ODF1: variants seen among roughly 807,000 people sequenced by gnomAD.
ODF1 encodes outer dense fiber protein 1.
Under a neutral mutation model 24.0 loss-of-function variants are expected in ODF1, and 10 were observed. That is an observed-to-expected ratio of 0.42 (90% CI 0.26 to 0.71). The LOEUF is 0.71. Ranked by LOEUF, ODF1 falls within the 30% of genes least tolerant of loss-of-function variation. ODF1 has a pLI of 0.28. For missense variants in ODF1, 282 were observed against 307.9 expected, an observed-to-expected ratio of 0.92 and a Z score of 0.63; for synonymous variants, 118 against 121.3, an observed-to-expected ratio of 0.97 and a Z score of 0.18.
In ODF1 at chr8:102,553,204, T is replaced by TAAAA. The variant is rs1315579134; in HGVS notation, c.320+1158_320+1159insAAAA. ...ATGGTGAAACCCCATCTCTACTAAA[T>TAAAA]ACAAAAAAAAAAAAAAAAAAAAATT... On this transcript the variant is annotated intron_variant, in intron 1 of 1. Coordinates refer to ENST00000285402, the MANE Select transcript of ODF1 (RefSeq NM_024410.4). 2.0e-4 allele frequency among the ~76,000 whole-genome samples: 13 copies of TAAAA among 65,652 alleles called. 2 individuals are homozygous for TAAAA. Among genetic ancestry groups the TAAAA allele is most frequent in the African/African-American group, 2.9e-4 (4 of 13,650 alleles). The allele number at this position is 65,652 out of a possible 152,430, so 43.1% of individuals were successfully genotyped here. A position where few individuals can be genotyped will look rare whatever the true frequency, so the allele number is the denominator to read the frequency against.
chr8:102,556,202 C>A (rs1826108831), intron 1 of ODF1, among the ~76,000 whole-genome samples: 1 of 152,160 alleles, frequency 6.6e-6, no homozygotes, highest in South Asian at 2.1e-4. Context: ...TTCTTGATCA[C>A]TAGGTGGTGG....
Position 102,560,443 on chromosome 8 carries a change from C to A in ODF1, c.321-9C>A. On this transcript the variant is annotated splice_polypyrimidine_tract_variant and intron_variant, in intron 1 of 1. Transcript: ENST00000285402. ...CTCCCTCCCACCCTATCCCTTTTCT[C>A]AATTCCAGACTGAGAAGAACAACAA... 8.7e-6 allele frequency: 14 copies of A among 1,610,900 alleles called. No individual in the cohort carries two copies. The highest frequency in any genetic ancestry group is 1.2e-5 in the Non-Finnish European group (14 of 1,177,292).
intron 1 of ODF1, among the ~76,000 whole-genome samples, chr8:102,552,606 G>A (rs1826055968): frequency 6.6e-6 from 1 of 152,082 alleles, no homozygotes; most frequent in South Asian, 2.1e-4. Context: ...TATCATGTTG[G>A]CCTCCCCTCT....
chr8:102,558,226 C>A (rs189315373), intron 1 of ODF1, among the ~76,000 whole-genome samples: 1 of 152,100 alleles, frequency 6.6e-6, no homozygotes, highest in Non-Finnish European at 1.5e-5. Flanking sequence ...CTGAAGTGGG[C>A]GGATCACAAG....
Position 102,560,849 on chromosome 8 carries a change from G to A in ODF1, c.718G>A (p.Gly240Arg). The A allele has an allele frequency of 6.2e-7, 1 of 1,612,742 alleles. No homozygotes were observed. ...TCCTTGCAACCCGTGTTATCCCTGT[G>A]GAAGCCGATTTTCCTGTAGGAAGAT... ...YDPCNPCYPC[G>R]SRFSCRKMIL The change falls in exon 2 of 2, where the codon GGA becomes AGA. Residue 240 changes from glycine (G) to arginine (R), a missense_variant. By Grantham distance (125) the Gly-to-Arg change is moderately radical (BLOSUM62 -2). Coordinates refer to ENST00000285402, the MANE Select transcript of ODF1 (RefSeq NM_024410.4).
Position 102,560,020 on chromosome 8 carries a change from G to A in ODF1, c.321-432G>A, listed in dbSNP as rs910208595. ...TAATTAAGCAGGATTTATAATGTAC[G>A]AAGCACAGTGCTAAGTAAAATATCA... On this transcript the variant is annotated intron_variant, in intron 1 of 1. Transcript: ENST00000285402. 1.3e-5 allele frequency among the ~76,000 whole-genome samples: 2 copies of A among 151,380 alleles called. 1 individual carries two copies. The highest frequency in any genetic ancestry group is 4.9e-5 in the African/African-American group (2 of 40,772).
intron 1 of ODF1, among the ~76,000 whole-genome samples, chr8:102,558,725 T>C (rs949008619): frequency 2.0e-5 from 3 of 147,248 alleles, no homozygotes; most frequent in African/African-American, 8.1e-5. Context: ...CAAAACTCTC[T>C]CTCTACATGT....
At chr8:102,560,076 A>T (rs1826158551) in intron 1 of ODF1, among the ~76,000 whole-genome samples, 1 of 151,494 alleles carries the variant, frequency 6.6e-6, no homozygotes, top group South Asian at 2.1e-4. Flanking sequence ...ATAGCCCTAT[A>T]TGATGCAGGC....
chr8:102,560,980 T>G lies in ODF1; in HGVS notation c.*96T>G. On this transcript the variant is annotated 3_prime_UTR_variant, in exon 2 of 2. Transcript: ENST00000285402. ...CTCTCCTTCCCATGGCCCCTGTTGT[T>G]GAAGTACGTAGGAAACTGAATACAT... 8.4e-7 allele frequency: 1 copy of G among 1,188,866 alleles called. No individual in the cohort carries two copies. Among genetic ancestry groups the G allele is most frequent in the Non-Finnish European group, 1.2e-6 (1 of 842,202 alleles). 73.6% of individuals were successfully genotyped at this position (1,188,866 alleles called of 1,614,324 possible). A position where few individuals can be genotyped will look rare whatever the true frequency, so the allele number is the denominator to read the frequency against.
At chr8:102,552,080 G>C in intron 1 of ODF1, 33 bp downstream of exon 1, 1 of 1,484,458 alleles carries the variant, frequency 6.7e-7, no homozygotes, top group Non-Finnish European at 9.1e-7. Context: ...TTTTATAGTC[G>C]GTATATTAGC....
intron 1 of ODF1, among the ~76,000 whole-genome samples, chr8:102,559,944 A>T (rs908164959): frequency 6.0e-5 from 9 of 150,862 alleles, no homozygotes; most frequent in Non-Finnish European, 1.2e-4. Flanking sequence ...ATATAATTTA[A>T]TTATAGTTAT....
At position 102,557,738 on chromosome 8, in the gene ODF1, A is replaced by G. The variant is rs193081664; in HGVS notation, c.321-2714A>G. Among the ~76,000 whole-genome samples the G allele has an allele frequency of 1.3e-5, 2 of 152,380 alleles. 1 individual carries two copies. Among genetic ancestry groups the G allele is most frequent in the Admixed American group, 1.3e-4 (2 of 15,306 alleles). ...GCCCTCCTTTAGGAGGCCTGGCTGCATCATCCTGGTGGGATTTGATGTTTC... is the reference window on the plus strand; with the variant it reads ...GCCCTCCTTTAGGAGGCCTGGCTGCGTCATCCTGGTGGGATTTGATGTTTC... On this transcript the variant is annotated intron_variant, in intron 1 of 1. Transcript: ENST00000285402.
At chr8:102,557,320 G>A (rs1194053035) in intron 1 of ODF1, among the ~76,000 whole-genome samples, 3 of 152,304 alleles carry the variant, frequency 2.0e-5, no homozygotes, top group Admixed American at 2.0e-4. Context: ...GTTCAGAGTT[G>A]AGTCTGATGA....
rs200288918 is a variant in ODF1, at chr8:102,560,925, T to C, written c.*41T>C. 2.5e-5 allele frequency: 38 copies of C among 1,540,654 alleles called. No homozygotes were observed. In the Middle Eastern group the frequency reaches 7.0e-4, roughly 28 times the overall value. On this transcript the variant is annotated 3_prime_UTR_variant, in exon 2 of 2. Coordinates refer to ENST00000285402, the MANE Select transcript of ODF1 (RefSeq NM_024410.4). ...CCATTACTTAATAGAAGTCAGTTACTCCAGCCAGGCAGCTCTCCCAATGTT... is the reference window on the plus strand; with the variant it reads ...CCATTACTTAATAGAAGTCAGTTACCCCAGCCAGGCAGCTCTCCCAATGTT...
chr8:102,553,413 C>T (rs1412134545), intron 1 of ODF1, among the ~76,000 whole-genome samples: 1 of 151,366 alleles, frequency 6.6e-6, no homozygotes, highest in South Asian at 2.1e-4. Flanking sequence ...TTGTCTAGGT[C>T]ACCAGCCACC....
intron 1 of ODF1, among the ~76,000 whole-genome samples, chr8:102,558,754 A>G (rs571580788): frequency 6.6e-6 from 1 of 151,888 alleles, no homozygotes; most frequent in African/African-American, 2.4e-5. Context: ...CTACACACAC[A>G]CACACACACA....
In ODF1 at chr8:102,552,021, A is replaced by G. The variant is rs1304060162; in HGVS notation, c.294A>G (p.Ile98Met). Residue 98 changes from isoleucine (I) to methionine (M), a missense_variant, in exon 1 of 2, where the codon ATA becomes ATG. Physicochemically the swap from Ile to Met is conservative, Grantham distance 10 (BLOSUM62 1). Transcript: ENST00000285402. ...TGGAGAGGAAAGCCATCAGAGCCAT[A>G]GAAGATGAGAAGCGAGAGCTTGCCA... ...RSLERKAIRAIEDEKRELAKL... is the reference protein window; with the variant it reads ...RSLERKAIRAMEDEKRELAKL... 7 of 1,592,566 alleles carry G rather than the reference A, an allele frequency of 4.4e-6. No individual in the cohort carries two copies. Among genetic ancestry groups the G allele is most frequent in the Non-Finnish European group, 6.0e-6 (7 of 1,165,402 alleles).
chr8:102,552,234 C>G (rs71518873), intron 1 of ODF1, among the ~76,000 whole-genome samples, 187 bp downstream of exon 1: 2,108 of 151,148 alleles, frequency 0.014, 27 homozygotes, highest in Non-Finnish European at 0.02. Context: ...GTAGGGTTCT[C>G]AAAAGACAAT....
chr8:102,558,083 G>A (rs1437060824), intron 1 of ODF1, among the ~76,000 whole-genome samples: 2 of 152,160 alleles, frequency 1.3e-5, no homozygotes, highest in Admixed American at 6.5e-5. Context: ...GTGGCATAGG[G>A]TACCCTGGCA....
Sources: allele counts gnomAD v4.1 joint callset (sites outside exome capture counted in the v4.1 genomes callset), GRCh38; gene constraint gnomAD v4.1.1; transcripts MANE v1.5; gene names NCBI Gene and HGNC (gene_info 2026-07-23, HGNC 2026-07-21).